The following TBL1X variants were observed in gnomAD, a reference collection of about 807,000 sequenced individuals.
The protein encoded by TBL1X is transducin beta like 1 X-linked.
TBL1X carries 10 observed loss-of-function variants against 50.7 expected under a neutral mutation model. The observed-to-expected ratio is 0.20, with a 90% confidence interval of 0.12 to 0.33. The LOEUF (loss-of-function observed/expected upper bound fraction) is 0.33. Ranked by LOEUF, TBL1X falls within the 10% of genes least tolerant of loss-of-function variation. TBL1X has a pLI of 1.00. For missense variants in TBL1X, 340 were observed against 504.4 expected, an observed-to-expected ratio of 0.67 and a Z score of 3.12; for synonymous variants, 190 against 214.7, an observed-to-expected ratio of 0.88 and a Z score of 1.01.
At chrX:9,604,989 G>A (rs2082575961) in intron 2 of TBL1X, among the ~76,000 whole-genome samples, 1 of 111,176 alleles carries the variant, frequency 9.0e-6, no homozygotes, top group Non-Finnish European at 1.9e-5. Flanking sequence ...TCAGGGAAAT[G>A]CTAAGCCAAG....
chrX:9,482,036 A>G (rs2081885474), intron 1 of TBL1X, among the ~76,000 whole-genome samples: 2 of 112,353 alleles, frequency 1.8e-5, no homozygotes, highest in Admixed American at 1.9e-4. Flanking sequence ...AAAAAACTAT[A>G]GAACACCTGT....
At chrX:9,477,898 A>G (rs1463891221) in intron 1 of TBL1X, among the ~76,000 whole-genome samples, 1 of 111,621 alleles carries the variant, frequency 9.0e-6, no homozygotes, top group Non-Finnish European at 1.9e-5. Flanking sequence ...CCTTTTGTGG[A>G]TATTTTAGAG....
chrX:9,668,371 AG>A (rs2082942750), intron 5 of TBL1X, among the ~76,000 whole-genome samples: 1 of 106,053 alleles, frequency 9.4e-6, no homozygotes, highest in Admixed American at 9.9e-5. Context: ...CCATTGGAAT[AG>A]GAAAAAAAAA....
At position 9,485,849 on chromosome X, in the gene TBL1X, C is replaced by T. The variant is rs772850023; in HGVS notation, c.-200-15931C>T. ...CTTTCGGGTGTCTGATCTAACAAGC[C>T]TTGGAGCAGCTAGGAAGCTACCAGA... On this transcript the variant is annotated intron_variant, in intron 1 of 17. Coordinates refer to ENST00000645353, the MANE Select transcript of TBL1X (RefSeq NM_005647.4). Among the ~76,000 whole-genome samples, 230 of 112,185 alleles carry T rather than the reference C, an allele frequency of 2.1e-3. 1 individual carries two copies. Among genetic ancestry groups the T allele is most frequent in the African/African-American group, 7.2e-3 (223 of 30,930 alleles).
At chrX:9,698,719 G>C (rs1452514894) in intron 12 of TBL1X, among the ~76,000 whole-genome samples, 2 of 111,975 alleles carry the variant, frequency 1.8e-5, no homozygotes, top group South Asian at 3.7e-4. Flanking sequence ...TGTTAGGGGA[G>C]GGTGGGAACT....
chrX:9,515,656 C>T (rs144552764), intron 2 of TBL1X, among the ~76,000 whole-genome samples: 2 of 112,309 alleles, frequency 1.8e-5, no homozygotes, highest in African/African-American at 3.2e-5. Flanking sequence ...CAGAAGCCTG[C>T]GTGACTTGTA....
At chrX:9,551,308 G>T (rs1416260554) in intron 2 of TBL1X, among the ~76,000 whole-genome samples, 2 of 109,023 alleles carry the variant, frequency 1.8e-5, no homozygotes, top group Non-Finnish European at 3.8e-5. Context: ...GAATGGTGCC[G>T]CCTGGTCAAG....
intron 2 of TBL1X, among the ~76,000 whole-genome samples, chrX:9,551,215 T>C (rs1476227092): frequency 1.8e-5 from 2 of 110,888 alleles, no homozygotes; most frequent in East Asian, 2.8e-4. Flanking sequence ...AGGGGATCAG[T>C]TTCCTTTGTG....
At chrX:9,594,125 A>G (rs1464991517) in intron 2 of TBL1X, among the ~76,000 whole-genome samples, 1 of 112,806 alleles carries the variant, frequency 8.9e-6, no homozygotes, top group East Asian at 2.8e-4. Context: ...TTCTTAGGAT[A>G]TAGCTTTCAA....
chrX:9,691,500 T>G, intron 7 of TBL1X, 79 bp from the exon 8 acceptor site: 1 of 1,064,120 alleles, frequency 9.4e-7, no homozygotes, highest in Non-Finnish European at 1.3e-6. Context: ...AAAAAAATGT[T>G]TCTGGAAACA....
intron 6 of TBL1X, among the ~76,000 whole-genome samples, chrX:9,685,155 A>G (rs1255333860): frequency 8.9e-5 from 10 of 112,017 alleles, no homozygotes; most frequent in African/African-American, 3.2e-4. Flanking sequence ...CCAATTTTAT[A>G]CCAATTTTGG....
Position 9,501,779 on chromosome X carries a change from G to A in TBL1X, c.-200-1G>A, listed in dbSNP as rs752908903. The A allele has an allele frequency of 9.0e-6, 1 of 111,516 alleles. No individual in the cohort carries two copies. The highest frequency in any genetic ancestry group is 1.9e-5 in the Non-Finnish European group (1 of 53,068). 9.2% of individuals were successfully genotyped at this position (111,516 alleles called of 1,213,427 possible). ...TGCTGCTATTTTACTGTTTCTTCCA[G>A]ATTTCCGTGAGGGTGGAAGAAAATC... On this transcript the variant is annotated splice_acceptor_variant, in intron 1 of 17. Transcript: ENST00000645353. LOFTEE classifies it low-confidence loss of function (5UTR_SPLICE).
intron 2 of TBL1X, chrX:9,637,226 A>G (rs1314063051): frequency 8.9e-6 from 1 of 111,830 alleles, no homozygotes; most frequent in African/African-American, 3.3e-5. Context: ...CTTTAAAACT[A>G]TCTCTTGAAA....
intron 2 of TBL1X, among the ~76,000 whole-genome samples, chrX:9,587,007 A>C (rs890267111): frequency 8.9e-6 from 1 of 112,376 alleles, no homozygotes; most frequent in Non-Finnish European, 1.9e-5. Context: ...CCTTGTCAGT[A>C]TAATAATTGT....
chrX:9,606,256 C>A (rs773703871), intron 2 of TBL1X, among the ~76,000 whole-genome samples: 1 of 111,950 alleles, frequency 8.9e-6, no homozygotes, highest in African/African-American at 3.3e-5. Context: ...GGGGACCGAC[C>A]GTCTGAGAAG....
chrX:9,645,780 A>G (rs2082801110), intron 3 of TBL1X, among the ~76,000 whole-genome samples: 1 of 111,822 alleles, frequency 8.9e-6, no homozygotes, highest in African/African-American at 3.3e-5. Flanking sequence ...ATTTTTATGC[A>G]TTTCTCCCCA....
At chrX:9,611,359 C>T (rs189708794) in intron 2 of TBL1X, among the ~76,000 whole-genome samples, 15 of 112,373 alleles carry the variant, frequency 1.3e-4, no homozygotes, top group African/African-American at 4.8e-4. Flanking sequence ...TCCTTGATGC[C>T]CACCTTTCTT....
At chrX:9,695,369 G>A (rs1052944069) in intron 11 of TBL1X, among the ~76,000 whole-genome samples, 1 of 112,452 alleles carries the variant, frequency 8.9e-6, no homozygotes, top group Non-Finnish European at 1.9e-5. Context: ...TTCAGACTTA[G>A]TAGCCTGGTT....
intron 5 of TBL1X, among the ~76,000 whole-genome samples, chrX:9,665,540 A>G (rs867058852): frequency 6.1e-5 from 2 of 32,957 alleles, no homozygotes; most frequent in Admixed American, 4.5e-4. Flanking sequence ...TATATATATA[A>G]AAGGCCTTGG....
Sources: gnomAD v4.1 joint callset for allele counts (sites outside exome capture counted in the v4.1 genomes callset) on GRCh38, gnomAD v4.1.1 for gene constraint, MANE v1.5 for transcripts, NCBI Gene and HGNC (gene_info 2026-07-23, HGNC 2026-07-21) for gene names.